GPR62: variants seen among roughly 807,000 people sequenced by gnomAD.
GPR62 encodes G-protein coupled receptor GPCR8.
For missense variants in GPR62, 513 were observed against 541.5 expected, an observed-to-expected ratio of 0.95 and a Z score of 0.52; for synonymous variants, 280 against 286.9, an observed-to-expected ratio of 0.98 and a Z score of 0.24.
Position 51,956,487 on chromosome 3 carries a change from G to A in GPR62, c.835G>A (p.Ala279Thr), listed in dbSNP as rs773946328. 1.9e-6 allele frequency: 3 copies of A among 1,576,556 alleles called. No homozygotes were observed. The East Asian group carries it at 6.9e-5, about 36-fold the overall frequency. Residue 279 changes from alanine to threonine, a missense_variant, in exon 1 of 1, where the codon GCC (alanine) becomes ACC (threonine). Transcript: ENST00000322241. Reference sequence around the variant, plus strand: ...AGCCGAAGCGGCTGTCACCTGGGTCGCCTACTCGGCCTTCGCGGCTCACCC... The same window carrying A: ...AGCCGAAGCGGCTGTCACCTGGGTCACCTACTCGGCCTTCGCGGCTCACCC... Reference protein sequence around the residue: ...AEAEAAVTWVAYSAFAAHPFL... With the variant: ...AEAEAAVTWVTYSAFAAHPFL...
Position 51,955,524 on chromosome 3 carries a change from C to A in GPR62, c.-129C>A. ...CTGGGCGTCGGAGCCACCTCCTGGG[C>A]AGCCAATGAGGTGAGGGGCCGGAGG... On this transcript the variant is annotated 5_prime_UTR_variant, in exon 1 of 1. Transcript: ENST00000322241. 1.2e-6 allele frequency: 1 copy of A among 809,144 alleles called. No individual in the cohort carries two copies. Among genetic ancestry groups the A allele is most frequent in the Non-Finnish European group, 1.9e-6 (1 of 536,594 alleles). 50.1% of individuals were successfully genotyped at this position (809,144 alleles called of 1,614,324 possible).
rs1475894443 is a variant in GPR62, at chr3:51,957,380, T to TG, written c.*626dup. On this transcript the variant is annotated 3_prime_UTR_variant, in exon 1 of 1. Coordinates refer to ENST00000322241, the MANE Select transcript of GPR62 (RefSeq NM_080865.4). ...TAATTGAGGTTGGTGGATTCACACA[T>TG]GGGGGTCCTCCAGGACCTCAGCTGC... The TG allele has an allele frequency of 1.2e-5, 2 of 167,328 alleles. No homozygotes were observed. Among genetic ancestry groups the TG allele is most frequent in the African/African-American group, 2.4e-5 (1 of 41,476 alleles). The allele number at this position is 167,328 out of a possible 1,614,324, so 10.4% of individuals were successfully genotyped here.
chr3:51,955,932 C>T lies in GPR62; in HGVS notation c.280C>T (p.Leu94Phe), dbSNP rs1158151781. ...GPAPCRAARF[L>F]SAALLPACTL... is the part of the protein sequence containing the mutation. ...CGCGCCATGCCGCGCCGCTCGCTTC[C>T]TCTCCGCCGCTCTGCTGCCGGCCTG... The change falls in exon 1 of 1, where the codon CTC becomes TTC. Residue 94 changes from leucine to phenylalanine, a missense_variant. Leu to Phe is a conservative substitution (Grantham distance 22, BLOSUM62 0). Transcript: ENST00000322241. The T allele has an allele frequency of 5.8e-6, 8 of 1,381,084 alleles. No individual in the cohort carries two copies. The highest frequency in any genetic ancestry group is 7.5e-6 in the Non-Finnish European group (8 of 1,066,226). 85.6% of individuals were successfully genotyped at this position (1,381,084 alleles called of 1,614,324 possible).
rs28587738 is a variant in GPR62, at chr3:51,956,103, A to C, written c.451A>C (p.Thr151Pro). 1,423,745 of 1,434,418 alleles carry C rather than the reference A, an allele frequency of 0.99. 706,606 individuals are homozygous for C. The highest frequency in any genetic ancestry group is 1 in the East Asian group (32,290 of 32,290). 88.9% of individuals were successfully genotyped at this position (1,434,418 alleles called of 1,614,324 possible). A position where few individuals can be genotyped will look rare whatever the true frequency, so the allele number is the denominator to read the frequency against. Reference sequence around the variant, plus strand: ...GCTGGGCGCGCTCTCCCTGCTCGGCACGCCGCCCGCACCGCCCCCTGCTCC... The same window carrying C: ...GCTGGGCGCGCTCTCCCTGCTCGGCCCGCCGCCCGCACCGCCCCCTGCTCC... Reference protein sequence around the residue: ...GLLGALSLLGTPPAPPPAPAR... With the variant: ...GLLGALSLLGPPPAPPPAPAR... The change falls in exon 1 of 1, where the codon ACG becomes CCG. Residue 151 changes from threonine to proline, a missense_variant. Transcript: ENST00000322241.
At position 51,956,716 on chromosome 3, in the gene GPR62, G is replaced by A. The variant is rs148062055; in HGVS notation, c.1064G>A (p.Arg355Gln). 8.3e-4 allele frequency: 1,343 copies of A among 1,611,710 alleles called. 12 individuals carry two copies. The African/African-American group carries it at 0.016, about 20-fold the overall frequency. The stretch of plus-strand genomic sequence containing the variant: ...CAGACCCCCGAGTTGGCAGGAGGGC[G>A]GAGCCCCGCATACCAGGGGCCACCT... ...PEQTPELAGG[R>Q]SPAYQGPPES... The change falls in exon 1 of 1, where the codon CGG becomes CAG. Residue 355 changes from arginine to glutamine, a missense_variant. Coordinates refer to ENST00000322241, the MANE Select transcript of GPR62 (RefSeq NM_080865.4).
Position 51,956,335 on chromosome 3 carries a change from C to A in GPR62, c.683C>A (p.Pro228Gln). ...CTGGATAGCCGCCTTTCCATCTTGC[C>A]GCCGCTCCGGCCTCGCCTGCCCGGG... ...DSLDSRLSIL[P>Q]PLRPRLPGGK... Residue 228 changes from proline (P) to glutamine (Q), a missense_variant, in exon 1 of 1, where the codon CCG (proline) becomes CAG (glutamine). Physicochemically the swap from Pro to Gln is moderately conservative, Grantham distance 76. Transcript: ENST00000322241. The A allele has an allele frequency of 1.9e-6, 3 of 1,559,000 alleles. No individual in the cohort carries two copies. Among genetic ancestry groups the A allele is most frequent in the Non-Finnish European group, 1.7e-6 (2 of 1,162,520 alleles).
Position 51,956,556 on chromosome 3 carries a change from G to A in GPR62, c.904G>A (p.Gly302Ser). Residue 302 changes from glycine to serine, a missense_variant, in exon 1 of 1, where the codon GGC (glycine) becomes AGC (serine). By Grantham distance (56) the Gly-to-Ser change is moderately conservative (BLOSUM62 0). Coordinates refer to ENST00000322241, the MANE Select transcript of GPR62 (RefSeq NM_080865.4). ...GCAGCGCCCCGTGCGCTTGGCACTGGGCCGCCTCTCTCGCCGTGCACTGCC... is the reference window on the plus strand; with the variant it reads ...GCAGCGCCCCGTGCGCTTGGCACTGAGCCGCCTCTCTCGCCGTGCACTGCC... ...LLQRPVRLAL[G>S]RLSRRALPGP... The A allele has an allele frequency of 1.2e-6, 2 of 1,610,028 alleles. No homozygotes were observed. Among genetic ancestry groups the A allele is most frequent in the Non-Finnish European group, 1.7e-6 (2 of 1,179,024 alleles).
rs1699859745 is a variant in GPR62 at position 51,956,881 on chromosome 3, G to T, written c.*122G>T. On this transcript the variant is annotated 3_prime_UTR_variant, in exon 1 of 1. Transcript: ENST00000322241. ...AGAAAGGGTGTCTGCTGCCTGGTGAGGCCCACGGACTTCTGAGAGCCAGGA... is the reference window on the plus strand; with the variant it reads ...AGAAAGGGTGTCTGCTGCCTGGTGATGCCCACGGACTTCTGAGAGCCAGGA... 2 of 1,446,032 alleles carry T rather than the reference G, an allele frequency of 1.4e-6. No homozygotes were observed. The highest frequency in any genetic ancestry group is 5.7e-5 in the Admixed American group (2 of 34,974). 89.6% of individuals were successfully genotyped at this position (1,446,032 alleles called of 1,614,324 possible). A position where few individuals can be genotyped will look rare whatever the true frequency, so the allele number is the denominator to read the frequency against.
rs1209116182 is a variant in GPR62, at chr3:51,956,320, G to T, written c.668G>T (p.Arg223Leu). 3.2e-6 allele frequency: 5 copies of T among 1,571,922 alleles called. No individual in the cohort carries two copies. Among genetic ancestry groups the T allele is most frequent in the Non-Finnish European group, 4.3e-6 (5 of 1,169,592 alleles). ...SRLHSDSLDS[R>L]LSILPPLRPR... The stretch of plus-strand genomic sequence containing the variant: ...CTCCACTCGGACTCTCTGGATAGCC[G>T]CCTTTCCATCTTGCCGCCGCTCCGG... Residue 223 changes from arginine to leucine, a missense_variant, in exon 1 of 1, where the codon CGC (arginine) becomes CTC (leucine). Transcript: ENST00000322241.
chr3:51,956,767 A>T lies in GPR62; in HGVS notation c.*8A>T, dbSNP rs1699858052. On this transcript the variant is annotated 3_prime_UTR_variant, in exon 1 of 1. Transcript: ENST00000322241. ...GAGAGTTCTCTCTCCTGAGCAGGAGAAAGGAGGGTGGTTTCCGTGGGGGCT... is the reference window on the plus strand; with the variant it reads ...GAGAGTTCTCTCTCCTGAGCAGGAGTAAGGAGGGTGGTTTCCGTGGGGGCT... The T allele has an allele frequency of 1.3e-6, 2 of 1,581,772 alleles. No homozygotes were observed. Among genetic ancestry groups the T allele is most frequent in the Non-Finnish European group, 1.7e-6 (2 of 1,165,446 alleles).
At position 51,956,636 on chromosome 3, in the gene GPR62, A is replaced by G. The variant is rs569520728; in HGVS notation, c.984A>G (p.Gln328=). The G allele has an allele frequency of 2.2e-5, 35 of 1,612,728 alleles. No individual in the cohort carries two copies. The East Asian group carries it at 2.5e-4, about 11-fold the overall frequency. ...PQAWHPRALL[Q]CLQRPPEGPA... ...CCTGGCACCCGCGGGCACTCTTGCA[A>G]TGCCTCCAGAGACCCCCAGAGGGCC... The change falls in exon 1 of 1, where the codon CAA becomes CAG. Residue 328 remains glutamine (Q), a synonymous_variant. Coordinates refer to ENST00000322241, the MANE Select transcript of GPR62 (RefSeq NM_080865.4).
chr3:51,956,950 C>A lies in GPR62; in HGVS notation c.*191C>A. 1 of 976,386 alleles carries A rather than the reference C, an allele frequency of 1.0e-6. No homozygotes were observed. Among genetic ancestry groups the A allele is most frequent in the Non-Finnish European group, 1.4e-6 (1 of 699,380 alleles). The allele number at this position is 976,386 out of a possible 1,614,324, so 60.5% of individuals were successfully genotyped here. On this transcript the variant is annotated 3_prime_UTR_variant, in exon 1 of 1. Transcript: ENST00000322241. ...AACACTGCATAGCACTGTGCATAGG[C>A]CGACCCTTCCTTAGGCCTCAGCTTT...
Position 51,956,041 on chromosome 3 carries a change from T to C in GPR62, c.389T>C (p.Val130Ala), listed in dbSNP as rs1699835146. ...CGGCCAGGCTCGCGGCCGCCGCCTG[T>C]GCTCGTGCTCACCGCCGTGTGGGCC... Reference protein sequence around the residue: ...PLRPGSRPPPVLVLTAVWAAA... With the variant: ...PLRPGSRPPPALVLTAVWAAA... The change falls in exon 1 of 1, where the codon GTG becomes GCG. Residue 130 changes from valine to alanine, a missense_variant. Physicochemically the swap from Val to Ala is moderately conservative, Grantham distance 64 (BLOSUM62 0). Transcript: ENST00000322241. 1.4e-6 allele frequency: 2 copies of C among 1,432,538 alleles called. No homozygotes were observed. The highest frequency in any genetic ancestry group is 1.8e-6 in the Non-Finnish European group (2 of 1,097,696). The allele number at this position is 1,432,538 out of a possible 1,614,324, so 88.7% of individuals were successfully genotyped here. A position where few individuals can be genotyped will look rare whatever the true frequency, so the allele number is the denominator to read the frequency against.
In GPR62 at chr3:51,956,836, T is replaced by A. The variant is rs1447334785; in HGVS notation, c.*77T>A. 7 of 1,485,956 alleles carry A rather than the reference T, an allele frequency of 4.7e-6. No homozygotes were observed. The South Asian group carries it at 8.4e-5, about 18-fold the overall frequency. The allele number at this position is 1,485,956 out of a possible 1,614,324, so 92.0% of individuals were successfully genotyped here. A position where few individuals can be genotyped will look rare whatever the true frequency, so the allele number is the denominator to read the frequency against. On this transcript the variant is annotated 3_prime_UTR_variant, in exon 1 of 1. Coordinates refer to ENST00000322241, the MANE Select transcript of GPR62 (RefSeq NM_080865.4). ...GTCACAGCAGGTGCCCTGCTGGATA[T>A]CTGGGTCTGGAACAGGAGGAGAAAG...
Position 51,957,121 on chromosome 3 carries a change from G to A in GPR62, c.*362G>A, listed in dbSNP as rs1268036312. On this transcript the variant is annotated 3_prime_UTR_variant, in exon 1 of 1. Transcript: ENST00000322241. ...CAACCAAAGTGATCCGCCAAGCAGG[G>A]CAGTATCTGGGTTACAGCCACAGCA... The A allele has an allele frequency of 1.5e-5, 4 of 270,836 alleles. No individual in the cohort carries two copies. Among genetic ancestry groups the A allele is most frequent in the Admixed American group, 5.3e-5 (1 of 18,788 alleles). The allele number at this position is 270,836 out of a possible 1,614,324, so 16.8% of individuals were successfully genotyped here.
Position 51,956,882 on chromosome 3 carries a change from G to A in GPR62, c.*123G>A. On this transcript the variant is annotated 3_prime_UTR_variant, in exon 1 of 1. Transcript: ENST00000322241. ...GAAAGGGTGTCTGCTGCCTGGTGAG[G>A]CCCACGGACTTCTGAGAGCCAGGAA... 1 of 1,443,918 alleles carries A rather than the reference G, an allele frequency of 6.9e-7. No individual in the cohort carries two copies. The highest frequency in any genetic ancestry group is 9.1e-7 in the Non-Finnish European group (1 of 1,093,968). The allele number at this position is 1,443,918 out of a possible 1,614,324, so 89.4% of individuals were successfully genotyped here. A position where few individuals can be genotyped will look rare whatever the true frequency, so the allele number is the denominator to read the frequency against.
At position 51,956,526 on chromosome 3, in the gene GPR62, C is replaced by G. The variant is rs776750410; in HGVS notation, c.874C>G (p.Leu292Val). Residue 292 changes from leucine to valine, a missense_variant, in exon 1 of 1, where the codon CTG (leucine) becomes GTG (valine). Transcript: ENST00000322241. ...CGCGGCTCACCCCTTCCTGTACGGGCTGCTGCAGCGCCCCGTGCGCTTGGC... is the reference window on the plus strand; with the variant it reads ...CGCGGCTCACCCCTTCCTGTACGGGGTGCTGCAGCGCCCCGTGCGCTTGGC... ...AFAAHPFLYG[L>V]LQRPVRLALG... is the part of the protein sequence containing the mutation. The G allele has an allele frequency of 6.2e-7, 1 of 1,604,372 alleles. No homozygotes were observed. Among genetic ancestry groups the G allele is most frequent in the South Asian group, 1.1e-5 (1 of 90,084 alleles).
Position 51,955,763 on chromosome 3 carries a change from C to A in GPR62, c.111C>A (p.Val37=). ...GALLGNGALL[V]VVLRTPGLRD... is the part of the protein sequence containing the mutation. ...TGCTGGGCAACGGCGCGCTGCTGGT[C>A]GTGGTGCTGCGCACGCCGGGACTGC... Residue 37 remains valine, a synonymous_variant, in exon 1 of 1, where the codon GTC becomes GTA. Coordinates refer to ENST00000322241, the MANE Select transcript of GPR62 (RefSeq NM_080865.4). 6.2e-7 allele frequency: 1 copy of A among 1,602,532 alleles called. No homozygotes were observed. The highest frequency in any genetic ancestry group is 8.5e-7 in the Non-Finnish European group (1 of 1,175,010).
Position 51,956,107 on chromosome 3 carries a change from C to G in GPR62, c.455C>G (p.Pro152Arg). The G allele has an allele frequency of 1.4e-6, 2 of 1,436,690 alleles. No homozygotes were observed. The highest frequency in any genetic ancestry group is 3.0e-5 in the African/African-American group (2 of 67,030). 89.0% of individuals were successfully genotyped at this position (1,436,690 alleles called of 1,614,324 possible). A position where few individuals can be genotyped will look rare whatever the true frequency, so the allele number is the denominator to read the frequency against. The change falls in exon 1 of 1, where the codon CCG becomes CGG. Residue 152 changes from proline to arginine, a missense_variant. Pro to Arg is a moderately radical substitution (Grantham distance 103, BLOSUM62 -2). Transcript: ENST00000322241. ...LLGALSLLGTPPAPPPAPARC... is the reference protein window; with the variant it reads ...LLGALSLLGTRPAPPPAPARC... ...GGCGCGCTCTCCCTGCTCGGCACGC[C>G]GCCCGCACCGCCCCCTGCTCCTGCT... is the stretch of plus-strand genomic sequence containing the variant.
Sources: allele counts gnomAD v4.1 joint callset, GRCh38; gene constraint gnomAD v4.1.1; transcripts MANE v1.5; gene names NCBI Gene and HGNC (gene_info 2026-07-23, HGNC 2026-07-21).